The following SLC12A2 variants were observed in gnomAD, a reference collection of about 807,000 sequenced individuals.
SLC12A2 encodes Na-K-2Cl cotransporter 1.
In SLC12A2, 67 loss-of-function variants were observed where a neutral mutation model predicts 136.3. The observed-to-expected ratio is 0.49, with a 90% confidence interval of 0.40 to 0.60. The LOEUF is 0.60. SLC12A2 is among the 20% of genes least tolerant of loss of function. The pLI, the probability that SLC12A2 is intolerant of heterozygous loss-of-function variation, is 0.00. For missense variants in SLC12A2, 1,322 were observed against 1,534.7 expected, an observed-to-expected ratio of 0.86 and a Z score of 2.32; for synonymous variants, 619 against 562.9, an observed-to-expected ratio of 1.10 and a Z score of -1.41.
At chr5:128,165,243 T>C (rs1369917993) in intron 17 of SLC12A2, among the ~76,000 whole-genome samples, 3 of 152,230 alleles carry the variant, frequency 2.0e-5, no homozygotes, top group African/African-American at 7.2e-5. Context: ...TTTCTTGTTT[T>C]GTATATTTGT....
chr5:128,129,788 A>G (rs985165320), intron 4 of SLC12A2, among the ~76,000 whole-genome samples: 1 of 152,188 alleles, frequency 6.6e-6, no homozygotes, highest in African/African-American at 2.4e-5. Flanking sequence ...AGTAGTATTA[A>G]AACCAAGTTT....
At chr5:128,090,117 C>T (rs1297046952) in intron 1 of SLC12A2, among the ~76,000 whole-genome samples, 1 of 152,146 alleles carries the variant, frequency 6.6e-6, no homozygotes, top group Non-Finnish European at 1.5e-5. Flanking sequence ...ATGCATTCCC[C>T]CAGGTGTACA....
At chr5:128,135,870 A>G in intron 7 of SLC12A2, 62 bp downstream of exon 7, 1 of 918,842 alleles carries the variant, frequency 1.1e-6, no homozygotes. Flanking sequence ...ATCATCAATT[A>G]AATTTTGTAC....
intron 1 of SLC12A2, among the ~76,000 whole-genome samples, chr5:128,095,166 T>C (rs968376798): frequency 5.9e-5 from 9 of 152,180 alleles, no homozygotes; most frequent in African/African-American, 2.2e-4. Context: ...CAATGAAGTG[T>C]TTCAATCAGT....
At position 128,131,102 on chromosome 5, in the gene SLC12A2, C is replaced by T; in HGVS notation, c.1084C>T (p.Pro362Ser). Residue 362 changes from proline (P) to serine (S), a missense_variant, in exon 5 of 27, where the codon CCA (proline) becomes TCA (serine). Coordinates refer to ENST00000262461, the MANE Select transcript of SLC12A2 (RefSeq NM_001046.3). ...AYYLISRSLGPEFGGAIGLIF... is the reference protein window; with the variant it reads ...AYYLISRSLGSEFGGAIGLIF... ...TTATTTAATATCTAGAAGTCTAGGG[C>T]CAGAATTTGGTGGTGCAATTGGTCT... 6.2e-7 allele frequency: 1 copy of T among 1,613,792 alleles called. No individual in the cohort carries two copies. The highest frequency in any genetic ancestry group is 8.5e-7 in the Non-Finnish European group (1 of 1,179,770).
intron 15 of SLC12A2, among the ~76,000 whole-genome samples, chr5:128,154,752 G>T (rs1274532629): frequency 6.6e-6 from 1 of 152,158 alleles, no homozygotes; most frequent in Non-Finnish European, 1.5e-5. Flanking sequence ...CACGAAGTTA[G>T]TGCCTTTTCC....
At chr5:128,167,060 G>C (rs1276935363) in intron 17 of SLC12A2, among the ~76,000 whole-genome samples, 4 of 151,928 alleles carry the variant, frequency 2.6e-5, no homozygotes, top group Non-Finnish European at 5.9e-5. Context: ...TATTGTATTA[G>C]CTATTATGAG....
intron 4 of SLC12A2, among the ~76,000 whole-genome samples, chr5:128,126,968 T>TATA (rs1761831735): frequency 1.8e-5 from 1 of 54,356 alleles, no homozygotes; most frequent in South Asian, 4.7e-4. Context: ...ATATATATAT[T>TATA]TTTTTTTTTT....
intron 17 of SLC12A2, among the ~76,000 whole-genome samples, chr5:128,164,516 C>G (rs1003430563): frequency 6.6e-6 from 1 of 152,152 alleles, no homozygotes; most frequent in African/African-American, 2.4e-5. Context: ...CCGGTTGCCT[C>G]TGTACAACTA....
Position 128,114,101 on chromosome 5 carries a change from A to C in SLC12A2, c.877-111A>C, listed in dbSNP as rs142231691. The C allele has an allele frequency of 4.1e-4, 317 of 768,128 alleles. 2 individuals carry two copies. In the East Asian group the frequency reaches 7.1e-3, roughly 17 times the overall value. The allele number at this position is 768,128 out of a possible 1,614,324, so 47.6% of individuals were successfully genotyped here. ...GGGTAGGAGTTAGATTTAAAACTAC[A>C]TATCTTCTGTAGTTTCAAATGCATG... On this transcript the variant is annotated intron_variant, in intron 2 of 26. Transcript: ENST00000262461.
chr5:128,143,851 C>T (rs980299867), intron 10 of SLC12A2, among the ~76,000 whole-genome samples: 1 of 149,962 alleles, frequency 6.7e-6, no homozygotes, highest in African/African-American at 2.4e-5. Context: ...TTTTACAATA[C>T]AATTTTTAAC....
chr5:128,165,060 C>T (rs999087892), intron 17 of SLC12A2, among the ~76,000 whole-genome samples: 1 of 151,950 alleles, frequency 6.6e-6, no homozygotes, highest in Non-Finnish European at 1.5e-5. Context: ...TCAGGCTGGT[C>T]TTGAACTCTG....
chr5:128,136,280 T>A (rs1456375152), intron 7 of SLC12A2, among the ~76,000 whole-genome samples: 1 of 152,160 alleles, frequency 6.6e-6, no homozygotes, highest in Non-Finnish European at 1.5e-5. Context: ...TTTTTATAGA[T>A]TCAGGTTATT....
intron 16 of SLC12A2, among the ~76,000 whole-genome samples, chr5:128,159,525 C>T (rs1762966925): frequency 6.6e-6 from 1 of 152,046 alleles, no homozygotes; most frequent in Non-Finnish European, 1.5e-5. Flanking sequence ...GGCAAATATC[C>T]AGAATCTACA....
intron 10 of SLC12A2, among the ~76,000 whole-genome samples, chr5:128,146,279 C>T (rs1762524337): frequency 1.3e-5 from 2 of 151,684 alleles, no homozygotes; most frequent in South Asian, 4.1e-4. Flanking sequence ...AATATACATC[C>T]TATGTTCATA....
At chr5:128,159,757 T>G (rs1236207336) in intron 16 of SLC12A2, among the ~76,000 whole-genome samples, 1 of 152,188 alleles carries the variant, frequency 6.6e-6, no homozygotes, top group Non-Finnish European at 1.5e-5. Flanking sequence ...GGCAAGGATG[T>G]GGAGAAATAG....
In SLC12A2 at chr5:128,182,951, T is replaced by C. The variant is rs1248747912; in HGVS notation, c.3299+10T>C. On this transcript the variant is annotated intron_variant, in intron 24 of 26. Transcript: ENST00000262461. Reference sequence around the variant, plus strand: ...AACCAAAGAAAGAAAAGTAAGTTACTCTACAAATTTCTGATCCCTTTATAG... The same window carrying C: ...AACCAAAGAAAGAAAAGTAAGTTACCCTACAAATTTCTGATCCCTTTATAG... The C allele has an allele frequency of 4.5e-6, 7 of 1,544,502 alleles. No homozygotes were observed. The highest frequency in any genetic ancestry group is 5.3e-6 in the Non-Finnish European group (6 of 1,121,802).
chr5:128,154,056 T>TA lies in SLC12A2; in HGVS notation c.2363+1262dup, dbSNP rs1180137949. On this transcript the variant is annotated intron_variant, in intron 15 of 26. Coordinates refer to ENST00000262461, the MANE Select transcript of SLC12A2 (RefSeq NM_001046.3). ...AAGCCTATGTTTATTTGCCGTCAAT[T>TA]AAAAAAAAAAACAAAAAAAAAAAAC... Among the ~76,000 whole-genome samples the TA allele has an allele frequency of 2.6e-3, 303 of 118,036 alleles. 3 individuals are homozygous for TA. The highest frequency in any genetic ancestry group is 3.4e-3 in the Admixed American group (40 of 11,694). The allele number at this position is 118,036 out of a possible 152,430, so 77.4% of individuals were successfully genotyped here.
chr5:128,175,466 C>G (rs1763507790), intron 20 of SLC12A2, among the ~76,000 whole-genome samples: 1 of 151,958 alleles, frequency 6.6e-6, no homozygotes, highest in Non-Finnish European at 1.5e-5. Context: ...TTCCTATATT[C>G]CAGCATTTAT....
Sources: gnomAD v4.1 joint callset for allele counts (sites outside exome capture counted in the v4.1 genomes callset) on GRCh38, gnomAD v4.1.1 for gene constraint, MANE v1.5 for transcripts, NCBI Gene and HGNC (gene_info 2026-07-23, HGNC 2026-07-21) for gene names.